Variants in KCTD15 observed in about 807,000 individuals in gnomAD.
The protein encoded by KCTD15 is BTB/POZ domain-containing protein KCTD15.
Under a neutral mutation model 27.2 loss-of-function variants are expected in KCTD15, and 11 were observed. That is an observed-to-expected ratio of 0.41 (90% CI 0.25 to 0.67). The LOEUF is 0.67. KCTD15 is among the 30% of genes least tolerant of loss of function. The pLI is 0.35. For synonymous variants in KCTD15, 163 were observed against 176.0 expected (o/e 0.93, Z 0.58); for missense variants, 350 against 409.3 (o/e 0.86, Z 1.25).
chr19:33,801,375 T>C (rs1236624795), intron 4 of KCTD15, 33 bp downstream of exon 4: 9 of 1,571,852 alleles, frequency 5.7e-6, no homozygotes. Flanking sequence ...ATCAGGCATG[T>C]GTGGGTCAGG....
At chr19:33,807,142 C>T in intron 5 of KCTD15, 135 bp downstream of exon 5, 1 of 1,095,468 alleles carries the variant, frequency 9.1e-7, no homozygotes, top group Non-Finnish European at 1.3e-6. Context: ...AGGGCTAAAT[C>T]AGTTTTTCTA....
rs1167166850 is a variant in KCTD15 at position 33,800,427 on chromosome 19, G to A, written c.-27-1G>A. 1 of 1,593,030 alleles carries A rather than the reference G, an allele frequency of 6.3e-7. No individual in the cohort carries two copies. Among genetic ancestry groups the A allele is most frequent in the South Asian group, 1.1e-5 (1 of 87,174 alleles). On this transcript the variant is annotated splice_acceptor_variant, in intron 2 of 6. Transcript: ENST00000683859. LOFTEE classifies it low-confidence loss of function (5UTR_SPLICE). ...TCTGGTTTTGTCGATGCCTCCCGCA[G>A]ATACTCTGGGCAGGGATGGAAGCCT...
Position 33,814,852 on chromosome 19 carries a change from C to T in KCTD15, c.*1904C>T, listed in dbSNP as rs1363257748. 1 of 152,318 alleles carries T rather than the reference C, an allele frequency of 6.6e-6. No homozygotes were observed. The highest frequency in any genetic ancestry group is 2.4e-5 in the African/African-American group (1 of 41,470). 9.4% of individuals were successfully genotyped at this position (152,318 alleles called of 1,614,324 possible). ...AAGGGCCACCAGCTTCGACCTGCCT[C>T]AGGGGACAGCAGCACAGACCAGTGG... On this transcript the variant is annotated 3_prime_UTR_variant, in exon 7 of 7. Coordinates refer to ENST00000683859, the MANE Select transcript of KCTD15 (RefSeq NM_001129994.2).
At chr19:33,795,906 C>G (rs1418369909), upstream of KCTD15, 5 of 151,852 alleles carry the variant, frequency 3.3e-5, no homozygotes, top group South Asian at 4.1e-4. Flanking sequence ...GACCGCGTGT[C>G]CGCAGACGTC....
intron 6 of KCTD15, 83 bp downstream of exon 6, chr19:33,811,635 C>T (rs560059470): frequency 6.5e-6 from 10 of 1,527,650 alleles, no homozygotes; most frequent in Admixed American, 5.8e-5. Flanking sequence ...TGGAGGGAGG[C>T]GCGATCCCTG....
At chr19:33,812,002 TC>T in intron 6 of KCTD15, 3 of 1,462,348 alleles carry the variant, frequency 2.1e-6, no homozygotes, top group Non-Finnish European at 2.7e-6. Flanking sequence ...GACCGGCTCT[TC>T]CTGGATGGGT....
chr19:33,797,950 C>T lies in KCTD15; in HGVS notation c.-126-718C>T, dbSNP rs1218577820. Among the ~76,000 whole-genome samples, 6 of 152,288 alleles carry T rather than the reference C, an allele frequency of 3.9e-5. No individual in the cohort carries two copies. In the East Asian group the frequency reaches 1.2e-3, roughly 29 times the overall value. On this transcript the variant is annotated intron_variant, in intron 1 of 6. Transcript: ENST00000683859. ...TTTAACTTTGTCCCCGCCCCGCCTC[C>T]GCGGCAACCCCTCCCAGCCCAGCCC...
At chr19:33,808,750 A>G (rs1464091689) in intron 5 of KCTD15, among the ~76,000 whole-genome samples, 1 of 152,000 alleles carries the variant, frequency 6.6e-6, no homozygotes, top group Non-Finnish European at 1.5e-5. Context: ...GCAATTATGG[A>G]TGAGGCCCCT....
chr19:33,801,286 G>GGGC lies in KCTD15; in HGVS notation c.190_192dup (p.Gly64dup). 1 of 1,613,060 alleles carries GGGC rather than the reference G, an allele frequency of 6.2e-7. No homozygotes were observed. The highest frequency in any genetic ancestry group is 8.5e-7 in the Non-Finnish European group (1 of 1,179,550). Reference sequence around the variant, plus strand: ...CCAATGCACCTGTGCACATCGATGTGGGCGGCCACATGTACACCAGCAGCC... The same window carrying GGGC: ...CCAATGCACCTGTGCACATCGATGTGGGCGGCGGCCACATGTACACCAGCAGCC... On this transcript the variant is annotated inframe_insertion, in exon 4 of 7. Coordinates refer to ENST00000683859, the MANE Select transcript of KCTD15 (RefSeq NM_001129994.2).
At chr19:33,800,594 G>T in intron 3 of KCTD15, 74 bp downstream of exon 3, 2 of 1,369,052 alleles carry the variant, frequency 1.5e-6, no homozygotes, top group Non-Finnish European at 2.0e-6. Flanking sequence ...CTGTTTACTG[G>T]CTGTCCTTCC....
intron 6 of KCTD15, chr19:33,812,284 T>C: frequency 9.8e-7 from 1 of 1,015,876 alleles, no homozygotes; most frequent in Non-Finnish European, 1.2e-6. Flanking sequence ...GACTTCTCCT[T>C]TTTCTCTCCC....
intron 5 of KCTD15, among the ~76,000 whole-genome samples, chr19:33,809,995 C>G (rs965601736): frequency 7.9e-5 from 12 of 152,292 alleles, no homozygotes; most frequent in African/African-American, 2.9e-4. Flanking sequence ...CATGACAGGC[C>G]CAGAGGTCAG....
chr19:33,807,402 A>G (rs1328225645), intron 5 of KCTD15, among the ~76,000 whole-genome samples: 8 of 152,118 alleles, frequency 5.3e-5, no homozygotes, highest in Admixed American at 1.3e-4. Flanking sequence ...AACTTGGCCA[A>G]CTTGATGAAA....
intron 1 of KCTD15, chr19:33,797,547 T>C (rs1355429415): frequency 1.4e-5 from 5 of 350,518 alleles, no homozygotes; most frequent in Non-Finnish European, 2.9e-5. Context: ...CGCGCAGGGT[T>C]TGGGGCTGGG....
Position 33,813,273 on chromosome 19 carries a change from T to C in KCTD15, c.*325T>C. 1 of 591,352 alleles carries C rather than the reference T, an allele frequency of 1.7e-6. No homozygotes were observed. Among genetic ancestry groups the C allele is most frequent in the Non-Finnish European group, 3.2e-6 (1 of 314,502 alleles). The allele number at this position is 591,352 out of a possible 1,614,324, so 36.6% of individuals were successfully genotyped here. A position where few individuals can be genotyped will look rare whatever the true frequency, so the allele number is the denominator to read the frequency against. ...TTGGGGCGGGGTTGGAAGAGCCGTCTGCAGCTACTTCAGAGGAGCTGTTTA... is the reference window on the plus strand; with the variant it reads ...TTGGGGCGGGGTTGGAAGAGCCGTCCGCAGCTACTTCAGAGGAGCTGTTTA... On this transcript the variant is annotated 3_prime_UTR_variant, in exon 7 of 7. Transcript: ENST00000683859.
intron 4 of KCTD15, among the ~76,000 whole-genome samples, chr19:33,804,264 G>A (rs1232915335): frequency 6.6e-6 from 1 of 152,224 alleles, no homozygotes; most frequent in African/African-American, 2.4e-5. Context: ...ACCATGGAAA[G>A]ATCTAGAATC....
chr19:33,811,180 C>A, intron 5 of KCTD15, 67 bp from the exon 6 acceptor site: 3 of 844,710 alleles, frequency 3.6e-6, no homozygotes, highest in Non-Finnish European at 5.2e-6. Context: ...GGCCGCCTCC[C>A]CTCTCCCCCT....
At chr19:33,802,698 G>A (rs779231302) in intron 4 of KCTD15, among the ~76,000 whole-genome samples, 7 of 152,318 alleles carry the variant, frequency 4.6e-5, no homozygotes, top group Non-Finnish European at 8.8e-5. Flanking sequence ...TCTAGGATGG[G>A]AGATAGATTC....
chr19:33,811,627 G>A, intron 6 of KCTD15, 75 bp downstream of exon 6: 1 of 1,543,686 alleles, frequency 6.5e-7, no homozygotes, highest in Non-Finnish European at 8.8e-7. Flanking sequence ...GAGTGAGCTG[G>A]AGGGAGGCGC....
Sources: allele counts gnomAD v4.1 joint callset (sites outside exome capture counted in the v4.1 genomes callset), GRCh38; gene constraint gnomAD v4.1.1; transcripts MANE v1.5; gene names NCBI Gene and HGNC (gene_info 2026-07-23, HGNC 2026-07-21).